The following UBA2 variants were observed in gnomAD, a reference collection of about 807,000 sequenced individuals.
UBA2 encodes the protein ubiquitin like modifier activating enzyme 2.
In UBA2, 11 loss-of-function variants were observed where a neutral mutation model predicts 77.2. The observed-to-expected ratio is 0.14, with a 90% confidence interval of 0.09 to 0.24. The LOEUF is 0.24. Ranked by LOEUF, UBA2 falls within the 10% of genes least tolerant of loss-of-function variation. UBA2 has a pLI of 1.00. For synonymous variants in UBA2, 278 were observed against 276.7 expected, an observed-to-expected ratio of 1.00 and a Z score of -0.05; for missense variants, 487 against 781.7, an observed-to-expected ratio of 0.62 and a Z score of 4.50.
Position 34,441,741 on chromosome 19 carries a change from C to A in UBA2, c.582-2103C>A, listed in dbSNP as rs989461390. Among the ~76,000 whole-genome samples, 4 of 151,488 alleles carry A rather than the reference C, an allele frequency of 2.6e-5. No individual in the cohort carries two copies. In the South Asian group the frequency reaches 8.3e-4, roughly 32 times the overall value. On this transcript the variant is annotated intron_variant, in intron 6 of 16. Coordinates refer to ENST00000246548, the MANE Select transcript of UBA2 (RefSeq NM_005499.3). Reference sequence around the variant, plus strand: ...TTTGAGAACTGCCTGGGCAACATGGCGAAACCCTGTCTCTACTAAAAATAC... The same window carrying A: ...TTTGAGAACTGCCTGGGCAACATGGAGAAACCCTGTCTCTACTAAAAATAC...
intron 14 of UBA2, among the ~76,000 whole-genome samples, chr19:34,462,434 A>G (rs1046494741): frequency 6.6e-6 from 1 of 152,180 alleles, no homozygotes; most frequent in Non-Finnish European, 1.5e-5. Flanking sequence ...AGAGGTTTGC[A>G]GTCAGTGGAG....
At chr19:34,468,312 G>GT (rs1228772676) in intron 16 of UBA2, among the ~76,000 whole-genome samples, 4 of 152,258 alleles carry the variant, frequency 2.6e-5, no homozygotes, top group Non-Finnish European at 4.4e-5. Flanking sequence ...TTCATAACCT[G>GT]TTTTTTCCCC....
intron 13 of UBA2, among the ~76,000 whole-genome samples, chr19:34,459,545 A>G (rs2075608355): frequency 6.6e-6 from 1 of 152,158 alleles, no homozygotes; most frequent in African/African-American, 2.4e-5. Flanking sequence ...GCACACCTGG[A>G]TTCACCTCTG....
intron 6 of UBA2, among the ~76,000 whole-genome samples, chr19:34,439,007 G>A (rs2075339535): frequency 6.6e-6 from 1 of 152,080 alleles, no homozygotes; most frequent in Admixed American, 6.6e-5. Flanking sequence ...GCAGGAGTTT[G>A]AGACCAGCGT....
At position 34,433,434 on chromosome 19, in the gene UBA2, T is replaced by C. The variant is rs775937019; in HGVS notation, c.358+22T>C. 28 of 1,470,626 alleles carry C rather than the reference T, an allele frequency of 1.9e-5. No homozygotes were observed. The Admixed American group carries it at 4.9e-4, about 26-fold the overall frequency. 91.1% of individuals were successfully genotyped at this position (1,470,626 alleles called of 1,614,324 possible). A position where few individuals can be genotyped will look rare whatever the true frequency, so the allele number is the denominator to read the frequency against. ...AGAGGTGAGGTTATTTTAATACTTT[T>C]AATTTCTCAGTATTTCCTCTCTCCC... On this transcript the variant is annotated intron_variant, in intron 4 of 16. Coordinates refer to ENST00000246548, the MANE Select transcript of UBA2 (RefSeq NM_005499.3).
chr19:34,467,161 ATTTATGAACCATGAAGACAT>A (rs1408500983), intron 16 of UBA2, 147 bp downstream of exon 16: 2 of 991,774 alleles, frequency 2.0e-6, no homozygotes, highest in African/African-American at 3.3e-5. Context: ...GGAGCTTTGA[ATTTATGAACCATGAAGACAT>A]TTAAGGCTGG....
At chr19:34,444,061 T>G (rs904937184) in intron 7 of UBA2, 150 bp downstream of exon 7, 64 of 476,978 alleles carry the variant, frequency 1.3e-4, no homozygotes, top group African/African-American at 9.0e-4. Flanking sequence ...TTTTTTTTTT[T>G]TTTTTTTGTC....
At chr19:34,456,205 G>T (rs1431580239) in intron 12 of UBA2, among the ~76,000 whole-genome samples, 1 of 139,946 alleles carries the variant, frequency 7.1e-6, no homozygotes, top group Non-Finnish European at 1.5e-5. Context: ...ACCTCCACCT[G>T]CTGGGTTCTA....
chr19:34,450,047 CCTCAGAGCACTTCTGCATTT>C (rs2075475442), intron 8 of UBA2, among the ~76,000 whole-genome samples, 198 bp from the exon 9 acceptor site: 1 of 152,176 alleles, frequency 6.6e-6, no homozygotes, highest in African/African-American at 2.4e-5. Context: ...ACTCTGCATT[CCTCAGAGCACTTCTGCATTT>C]CGCTGTTTTC....
At chr19:34,438,956 C>A (rs1264985428) in intron 6 of UBA2, among the ~76,000 whole-genome samples, 190 bp downstream of exon 6, 1 of 152,122 alleles carries the variant, frequency 6.6e-6, no homozygotes, top group African/African-American at 2.4e-5. Context: ...CACCTGTAAT[C>A]CCGGCACTTT....
At chr19:34,462,092 T>C (rs2075637472) in intron 14 of UBA2, among the ~76,000 whole-genome samples, 1 of 152,138 alleles carries the variant, frequency 6.6e-6, no homozygotes, top group Non-Finnish European at 1.5e-5. Context: ...GGTTGAAGTC[T>C]TTCTTGTCAC....
Position 34,456,964 on chromosome 19 carries a change from T to C in UBA2, c.1246-1805T>C, listed in dbSNP as rs539805343. On this transcript the variant is annotated intron_variant, in intron 12 of 16. Transcript: ENST00000246548. Reference sequence around the variant, plus strand: ...ACTAATTACTGAACTTATTAAAATGTCTGTTATTTCCCATCACATCCTTCC... The same window carrying C: ...ACTAATTACTGAACTTATTAAAATGCCTGTTATTTCCCATCACATCCTTCC... 2.2e-4 allele frequency among the ~76,000 whole-genome samples: 34 copies of C among 151,644 alleles called. No homozygotes were observed. In the East Asian group the frequency reaches 6.4e-3, roughly 28 times the overall value.
intron 5 of UBA2, among the ~76,000 whole-genome samples, chr19:34,436,425 G>A (rs1053967481): frequency 3.3e-5 from 5 of 151,964 alleles, no homozygotes; most frequent in Non-Finnish European, 5.9e-5. Flanking sequence ...TCAGTCTCCC[G>A]AGTAGCTGGG....
chr19:34,458,636 G>C (rs898296250), intron 12 of UBA2, 133 bp from the exon 13 acceptor site: 64 of 467,762 alleles, frequency 1.4e-4, no homozygotes, highest in South Asian at 9.8e-4. Flanking sequence ...TGATTTTCCT[G>C]ATCCATTTTG....
At chr19:34,436,407 C>G (rs1412606560) in intron 5 of UBA2, among the ~76,000 whole-genome samples, 1 of 152,128 alleles carries the variant, frequency 6.6e-6, no homozygotes, top group African/African-American at 2.4e-5. Flanking sequence ...TCAAGCGATT[C>G]TCCTGCCTCA....
chr19:34,458,490 G>A (rs2075594800), intron 12 of UBA2, among the ~76,000 whole-genome samples: 1 of 134,968 alleles, frequency 7.4e-6, no homozygotes, highest in Non-Finnish European at 1.5e-5. Context: ...AACCCCAGGG[G>A]GCGGAGCCTG....
intron 15 of UBA2, 117 bp from the exon 16 acceptor site, chr19:34,466,761 T>A (rs1055963272): frequency 8.8e-5 from 62 of 706,786 alleles, no homozygotes; most frequent in Non-Finnish European, 1.2e-4. Context: ...AAAAAAAAAA[T>A]TAGAATCCAC....
rs1568381602 is a variant in UBA2, at chr19:34,457,182, ATAT to A, written c.1246-1586_1246-1584del. On this transcript the variant is annotated intron_variant, in intron 12 of 16. Transcript: ENST00000246548. Reference sequence around the variant, plus strand: ...GGTCTCTACTAAAAAAAAAAAAAATATATATATATATATATATATATATATATA... The same window carrying A: ...GGTCTCTACTAAAAAAAAAAAAAATAATATATATATATATATATATATATA... 4.6e-3 allele frequency among the ~76,000 whole-genome samples: 396 copies of A among 85,586 alleles called. 3 individuals are homozygous for A. Among genetic ancestry groups the A allele is most frequent in the Non-Finnish European group, 7.0e-3 (324 of 45,984 alleles). 56.1% of individuals were successfully genotyped at this position (85,586 alleles called of 152,430 possible).
chr19:34,430,745 G>A, intron 2 of UBA2, 86 bp downstream of exon 2: 4 of 974,210 alleles, frequency 4.1e-6, no homozygotes, highest in Non-Finnish European at 3.2e-6. Context: ...ATATAGGAGG[G>A]AAAAAATGGG....
Sources: allele counts gnomAD v4.1 joint callset (sites outside exome capture counted in the v4.1 genomes callset), GRCh38; gene constraint gnomAD v4.1.1; transcripts MANE v1.5; gene names NCBI Gene and HGNC (gene_info 2026-07-23, HGNC 2026-07-21).